MYO6: variants seen among roughly 807,000 people sequenced by gnomAD.
MYO6 encodes the protein unconventional myosin-VI.
Under a neutral mutation model 178.7 loss-of-function variants are expected in MYO6, and 74 were observed. That is an observed-to-expected ratio of 0.41 (90% CI 0.34 to 0.50). MYO6 has a LOEUF of 0.50. Among genes scored for constraint, MYO6 ranks in the 20% least tolerant of loss-of-function variants. MYO6 has a pLI of 0.09. For missense variants in MYO6, 1,330 were observed against 1,547.4 expected (o/e 0.86, Z 2.36); for synonymous variants, 477 against 504.6 (o/e 0.95, Z 0.73).
intron 6 of MYO6, 39 bp from the exon 7 acceptor site, chr6:75,835,862 T>C (rs756000121): frequency 2.5e-6 from 3 of 1,180,940 alleles, no homozygotes; most frequent in Non-Finnish European, 3.8e-6. Context: ...GTACACCATA[T>C]TATTGTCATC....
intron 1 of MYO6, among the ~76,000 whole-genome samples, chr6:75,796,133 T>C (rs1312377861): frequency 1.3e-5 from 2 of 152,230 alleles, no homozygotes; most frequent in Non-Finnish European, 2.9e-5. Flanking sequence ...CTTTTGGTGC[T>C]TTTTTCCCAC....
At chr6:75,787,722 CTCTCTCTCTATATATATATA>C (rs1767773037) in intron 1 of MYO6, among the ~76,000 whole-genome samples, 2 of 29,104 alleles carry the variant, frequency 6.9e-5, no homozygotes, top group African/African-American at 2.8e-4. Context: ...CTCTCTCTCT[CTCTCTCTCTATATATATATA>C]TATATATATA....
intron 10 of MYO6, among the ~76,000 whole-genome samples, chr6:75,845,702 T>C (rs1774666836): frequency 6.9e-6 from 1 of 145,940 alleles, no homozygotes; most frequent in Non-Finnish European, 1.5e-5. Context: ...AAAAAAAAGC[T>C]GGTCAGGTGG....
chr6:75,754,263 G>GT (rs1777146084), intron 1 of MYO6, among the ~76,000 whole-genome samples: 1 of 152,162 alleles, frequency 6.6e-6, no homozygotes, highest in Non-Finnish European at 1.5e-5. Flanking sequence ...GCTCACACCT[G>GT]TAATCACAGC....
intron 1 of MYO6, among the ~76,000 whole-genome samples, chr6:75,805,112 C>T (rs1769935293): frequency 6.8e-6 from 1 of 146,368 alleles, no homozygotes; most frequent in Admixed American, 6.9e-5. Context: ...GCAACCTCTG[C>T]CTCGTTGGTT....
Position 75,870,703 on chromosome 6 carries a change from G to C in MYO6, c.1983+18G>C. ...GAAGTACTGTGAGTATGCTTAAAAA[G>C]AAAACAGGTTTTTATGGGTCATCTA... On this transcript the variant is annotated intron_variant, in intron 19 of 34. Coordinates refer to ENST00000369977, the MANE Select transcript of MYO6 (RefSeq NM_004999.4). 6.2e-7 allele frequency: 1 copy of C among 1,604,734 alleles called. No homozygotes were observed. Among genetic ancestry groups the C allele is most frequent in the Non-Finnish European group, 8.5e-7 (1 of 1,173,428 alleles).
chr6:75,797,299 G>C (rs992057440), intron 1 of MYO6, among the ~76,000 whole-genome samples: 1 of 152,020 alleles, frequency 6.6e-6, no homozygotes, highest in Admixed American at 6.6e-5. Context: ...CTTCATGTTG[G>C]TCAGGCTGAT....
chr6:75,899,721 C>A (rs1289357516), intron 30 of MYO6, among the ~76,000 whole-genome samples: 1 of 134,986 alleles, frequency 7.4e-6, no homozygotes, highest in Admixed American at 7.3e-5. Flanking sequence ...TTTTTTTCTT[C>A]TGGAACATTT....
At chr6:75,802,728 C>G (rs1769614268) in intron 1 of MYO6, among the ~76,000 whole-genome samples, 1 of 152,054 alleles carries the variant, frequency 6.6e-6, no homozygotes, top group African/African-American at 2.4e-5. Context: ...CTCAAGCAAT[C>G]TCTCCAGCTT....
intron 11 of MYO6, among the ~76,000 whole-genome samples, chr6:75,852,213 A>AT (rs1426579762): frequency 6.6e-6 from 1 of 152,134 alleles, no homozygotes; most frequent in Admixed American, 6.5e-5. Flanking sequence ...TTGATGGTCA[A>AT]TTTTTTGAGA....
At chr6:75,833,807 T>G (rs1773366431) in intron 6 of MYO6, among the ~76,000 whole-genome samples, 1 of 152,242 alleles carries the variant, frequency 6.6e-6, no homozygotes, top group Admixed American at 6.5e-5. Context: ...GTTATGAACA[T>G]GGGTGTGCAA....
chr6:75,768,253 A>G (rs898165803), intron 1 of MYO6: 5 of 152,188 alleles, frequency 3.3e-5, no homozygotes, highest in Non-Finnish European at 7.3e-5. Flanking sequence ...AATCTGATCT[A>G]TTTTGCACCT....
chr6:75,794,663 G>A (rs1027276849), intron 1 of MYO6, among the ~76,000 whole-genome samples: 20 of 150,994 alleles, frequency 1.3e-4, no homozygotes, highest in African/African-American at 4.6e-4. Context: ...ATAATAGCTG[G>A]CAGTAGTTTC....
At chr6:75,789,182 A>G (rs1322214914) in intron 1 of MYO6, among the ~76,000 whole-genome samples, 1 of 152,220 alleles carries the variant, frequency 6.6e-6, no homozygotes. Flanking sequence ...GTTTCATTGA[A>G]TCTAAAATAT....
rs1465753275 is a variant in MYO6, at chr6:75,756,922, TAC to T, written c.-48+7504_-48+7505del. On this transcript the variant is annotated intron_variant, in intron 1 of 34. Coordinates refer to ENST00000369977, the MANE Select transcript of MYO6 (RefSeq NM_004999.4). ...ATATATATATATATACACATATATA[TAC>T]ACACCATATATAGTGTGTATATATG... Among the ~76,000 whole-genome samples, 11 of 146,196 alleles carry T rather than the reference TAC, an allele frequency of 7.5e-5. 1 individual carries two copies. Among genetic ancestry groups the T allele is most frequent in the African/African-American group, 1.0e-4 (4 of 38,774 alleles).
intron 1 of MYO6, among the ~76,000 whole-genome samples, chr6:75,804,982 CATAT>C (rs202082311): frequency 2.3e-5 from 3 of 131,286 alleles, no homozygotes; most frequent in East Asian, 4.5e-4. Context: ...TATACACACA[CATAT>C]ATATATACAC....
Position 75,907,715 on chromosome 6 carries a change from G to T in MYO6, c.3280+7G>T. On this transcript the variant is annotated splice_region_variant and intron_variant, in intron 31 of 34. Coordinates refer to ENST00000369977, the MANE Select transcript of MYO6 (RefSeq NM_004999.4). Reference sequence around the variant, plus strand: ...ACCATCAATACTTCTTGTGGTAAGTGTTTGGAGAAGATCAAAAATAGAAAA... The same window carrying T: ...ACCATCAATACTTCTTGTGGTAAGTTTTTGGAGAAGATCAAAAATAGAAAA... 1 of 1,596,976 alleles carries T rather than the reference G, an allele frequency of 6.3e-7. No homozygotes were observed. The highest frequency in any genetic ancestry group is 8.6e-7 in the Non-Finnish European group (1 of 1,165,920).
chr6:75,842,202 G>GCGCA (rs1774305650), intron 9 of MYO6, among the ~76,000 whole-genome samples: 1 of 148,892 alleles, frequency 6.7e-6, no homozygotes, highest in African/African-American at 2.5e-5. Context: ...ACACACACAT[G>GCGCA]CACACACACA....
In MYO6 at chr6:75,828,605, A is replaced by C; in HGVS notation, c.253A>C (p.Arg85=). The change falls in exon 4 of 35, where the codon AGA becomes CGA. Residue 85 remains arginine, a synonymous_variant. Coordinates refer to ENST00000369977, the MANE Select transcript of MYO6 (RefSeq NM_004999.4). ...HNIKVRYSKD[R]IYTYVANILI... ...TATCAAAGTTCGATATAGTAAAGAC[A>C]GAATTTATGTAAGTATTTTACCTGT... 1 of 1,561,066 alleles carries C rather than the reference A, an allele frequency of 6.4e-7. No individual in the cohort carries two copies. Among genetic ancestry groups the C allele is most frequent in the Non-Finnish European group, 8.8e-7 (1 of 1,132,080 alleles).
Sources: allele counts gnomAD v4.1 joint callset (sites outside exome capture counted in the v4.1 genomes callset), GRCh38; gene constraint gnomAD v4.1.1; transcripts MANE v1.5; gene names NCBI Gene and HGNC (gene_info 2026-07-23, HGNC 2026-07-21).